The following SCFD2 variants were observed in gnomAD, a reference collection of about 807,000 sequenced individuals.
The protein encoded by SCFD2 is sec1 family domain-containing protein 2.
A neutral mutation model predicts 58.9 loss-of-function variants in SCFD2; 54 were observed. The observed-to-expected ratio is 0.92, with a 90% CI of 0.74 to 1.15. SCFD2 has a LOEUF of 1.15. Among genes scored for constraint, SCFD2 ranks in the 50% most tolerant of loss-of-function variants. The pLI is 0.00. For synonymous variants in SCFD2, 321 were observed against 335.9 expected (o/e 0.96, Z 0.49); for missense variants, 805 against 836.6 (o/e 0.96, Z 0.47).
chr4:52,895,532 T>C (rs1298860261), intron 7 of SCFD2, among the ~76,000 whole-genome samples: 1 of 152,302 alleles, frequency 6.6e-6, no homozygotes, highest in Non-Finnish European at 1.5e-5. Context: ...TAGTATTCCA[T>C]GGTGTATATG....
intron 3 of SCFD2, among the ~76,000 whole-genome samples, chr4:53,298,338 T>A (rs1024300998): frequency 6.6e-6 from 1 of 152,158 alleles, no homozygotes; most frequent in Non-Finnish European, 1.5e-5. Flanking sequence ...CCATGGAGCC[T>A]CGCTCATTGC....
intron 3 of SCFD2, among the ~76,000 whole-genome samples, chr4:53,293,356 T>A (rs936235362): frequency 1.3e-5 from 2 of 150,720 alleles, no homozygotes. Context: ...TAATGCATGG[T>A]GGGCATAATA....
intron 5 of SCFD2, among the ~76,000 whole-genome samples, chr4:53,087,032 A>G (rs1027510967): frequency 6.6e-6 from 1 of 152,166 alleles, no homozygotes; most frequent in African/African-American, 2.4e-5. Context: ...GTATGACTGG[A>G]TTGTTTGTAA....
chr4:53,298,024 C>T (rs1732106648), intron 3 of SCFD2, among the ~76,000 whole-genome samples: 1 of 152,094 alleles, frequency 6.6e-6, no homozygotes, highest in Non-Finnish European at 1.5e-5. Context: ...ATGAACGACA[C>T]AGAAGACGGG....
At chr4:52,957,818 G>A (rs900802726) in intron 5 of SCFD2, 6 of 152,306 alleles carry the variant, frequency 3.9e-5, no homozygotes, top group East Asian at 1.9e-4. Flanking sequence ...AAAAACTAAC[G>A]CTGATAGAGG....
At chr4:53,077,571 G>A (rs1724014523) in intron 5 of SCFD2, among the ~76,000 whole-genome samples, 1 of 152,056 alleles carries the variant, frequency 6.6e-6, no homozygotes, top group African/African-American at 2.4e-5. Context: ...CCAAGTAGCT[G>A]GGAATACAGG....
chr4:53,300,883 G>T (rs1020218914), intron 3 of SCFD2, among the ~76,000 whole-genome samples: 9 of 152,204 alleles, frequency 5.9e-5, no homozygotes, highest in African/African-American at 2.2e-4. Flanking sequence ...CAGAAATAAA[G>T]ATGTTCTTTG....
chr4:52,982,831 A>C (rs1182932595), intron 5 of SCFD2, among the ~76,000 whole-genome samples: 1 of 152,180 alleles, frequency 6.6e-6, no homozygotes, highest in Non-Finnish European at 1.5e-5. Context: ...CTGGGGAAGA[A>C]ATAAAAACCT....
At chr4:53,122,023 G>T (rs1303474118) in intron 5 of SCFD2, among the ~76,000 whole-genome samples, 1 of 152,002 alleles carries the variant, frequency 6.6e-6, no homozygotes, top group South Asian at 2.1e-4. Flanking sequence ...CTGACCTGAT[G>T]GAATCACCTA....
chr4:53,133,758 C>T (rs2148902012), intron 5 of SCFD2, among the ~76,000 whole-genome samples: 1 of 152,350 alleles, frequency 6.6e-6, no homozygotes, highest in East Asian at 1.9e-4. Flanking sequence ...AAATCCTCAA[C>T]TCCTTCCTCA....
intron 5 of SCFD2, among the ~76,000 whole-genome samples, chr4:52,971,915 T>G (rs1721113217): frequency 6.6e-6 from 1 of 152,112 alleles, no homozygotes. Context: ...CCAGCCAAAC[T>G]AAGCTTCATA....
At chr4:53,171,539 T>A (rs1362544458) in intron 4 of SCFD2, among the ~76,000 whole-genome samples, 1 of 152,226 alleles carries the variant, frequency 6.6e-6, no homozygotes, top group East Asian at 1.9e-4. Context: ...AATTATTCCC[T>A]TCTCTACAAT....
At chr4:53,223,649 G>A (rs556862472) in intron 4 of SCFD2, among the ~76,000 whole-genome samples, 2 of 152,242 alleles carry the variant, frequency 1.3e-5, no homozygotes, top group African/African-American at 4.8e-5. Flanking sequence ...TGGAAATCTC[G>A]TTTGGCTTGC....
intron 5 of SCFD2, among the ~76,000 whole-genome samples, chr4:53,015,341 A>G (rs181749111): frequency 6.6e-6 from 1 of 152,336 alleles, no homozygotes; most frequent in Non-Finnish European, 1.5e-5. Flanking sequence ...GCTATTTGCC[A>G]GGCACTGTGC....
At chr4:53,137,389 G>C (rs1475620885) in intron 5 of SCFD2, among the ~76,000 whole-genome samples, 1 of 152,230 alleles carries the variant, frequency 6.6e-6, no homozygotes, top group Non-Finnish European at 1.5e-5. Context: ...GGACAGTGAA[G>C]GAGGAAGTCA....
At chr4:53,122,907 T>G (rs1230305631) in intron 5 of SCFD2, among the ~76,000 whole-genome samples, 5 of 152,016 alleles carry the variant, frequency 3.3e-5, no homozygotes, top group African/African-American at 1.2e-4. Flanking sequence ...TTTCTATTTT[T>G]AATTTTATAT....
chr4:52,973,913 A>G (rs1721179340), intron 5 of SCFD2, among the ~76,000 whole-genome samples: 1 of 152,246 alleles, frequency 6.6e-6, no homozygotes, highest in Non-Finnish European at 1.5e-5. Flanking sequence ...ACCAAGAACA[A>G]AAACCATATG....
At chr4:53,234,897 T>C (rs554763676) in intron 4 of SCFD2, among the ~76,000 whole-genome samples, 2 of 152,348 alleles carry the variant, frequency 1.3e-5, no homozygotes, top group South Asian at 2.1e-4. Flanking sequence ...TAGGAATGTA[T>C]GTCTTACTCA....
intron 5 of SCFD2, among the ~76,000 whole-genome samples, chr4:52,929,116 A>G (rs1719930109): frequency 6.6e-6 from 1 of 152,076 alleles, no homozygotes; most frequent in Non-Finnish European, 1.5e-5. Context: ...GCAAAACTAA[A>G]CTATACGTGG....
Sources: allele counts gnomAD v4.1 joint callset (sites outside exome capture counted in the v4.1 genomes callset), GRCh38; gene constraint gnomAD v4.1.1; transcripts MANE v1.5; gene names NCBI Gene and HGNC (gene_info 2026-07-23, HGNC 2026-07-21).